The following SCFD2 variants were observed in gnomAD, a reference collection of about 807,000 sequenced individuals.
SCFD2 encodes sec1 family domain-containing protein 2.
Under a neutral mutation model 58.9 loss-of-function variants are expected in SCFD2, and 54 were observed. That is an observed-to-expected ratio of 0.92 (90% CI 0.74 to 1.15). SCFD2 has a LOEUF of 1.15. SCFD2 is among the 50% of genes most tolerant of loss of function. The pLI is 0.00. For missense variants in SCFD2, 805 were observed against 836.6 expected (o/e 0.96, Z 0.47); for synonymous variants, 321 against 335.9 (o/e 0.96, Z 0.49).
intron 8 of SCFD2, among the ~76,000 whole-genome samples, chr4:52,883,856 G>A (rs1718674265): frequency 6.6e-6 from 1 of 152,230 alleles, no homozygotes; most frequent in South Asian, 2.1e-4. Context: ...CATAACAGGT[G>A]ATAGTAACAG....
At chr4:53,284,118 CAAAA>C (rs561985080) in intron 3 of SCFD2, among the ~76,000 whole-genome samples, 3 of 82,224 alleles carry the variant, frequency 3.6e-5, no homozygotes, top group African/African-American at 8.5e-5. Flanking sequence ...GACTCCATCT[CAAAA>C]AAAAAAAAAA....
chr4:53,321,383 T>C (rs1361415035), intron 2 of SCFD2, among the ~76,000 whole-genome samples: 1 of 152,030 alleles, frequency 6.6e-6, no homozygotes, highest in Non-Finnish European at 1.5e-5. Context: ...GGTGGCTGAA[T>C]GTTGAATCAT....
chr4:52,967,540 G>A (rs748217840), intron 5 of SCFD2, among the ~76,000 whole-genome samples: 4 of 152,226 alleles, frequency 2.6e-5, no homozygotes, highest in Non-Finnish European at 4.4e-5. Flanking sequence ...ACAAATGGCA[G>A]TCTGAGAATT....
At chr4:53,280,269 A>T (rs879637541) in intron 3 of SCFD2, among the ~76,000 whole-genome samples, 1 of 152,142 alleles carries the variant, frequency 6.6e-6, no homozygotes, top group Admixed American at 6.6e-5. Flanking sequence ...TAATCCCAGC[A>T]CTTTGGGAGG....
At chr4:53,126,371 A>C (rs558191493) in intron 5 of SCFD2, among the ~76,000 whole-genome samples, 27 of 152,226 alleles carry the variant, frequency 1.8e-4, no homozygotes, top group Non-Finnish European at 1.5e-4. Flanking sequence ...CTGGAAGTGC[A>C]GTGGCGTGAT....
chr4:53,142,168 C>T (rs1295855161), intron 5 of SCFD2, among the ~76,000 whole-genome samples: 1 of 152,142 alleles, frequency 6.6e-6, no homozygotes, highest in Non-Finnish European at 1.5e-5. Flanking sequence ...AAAATGGTTC[C>T]ACCAAACATG....
At chr4:52,885,722 G>A (rs768199767) in intron 8 of SCFD2, 25 bp downstream of exon 8, 9 of 1,612,784 alleles carry the variant, frequency 5.6e-6, no homozygotes, top group African/African-American at 1.3e-5. Context: ...CTGAGCTCTT[G>A]TTCAAAGCAT....
intron 4 of SCFD2, among the ~76,000 whole-genome samples, chr4:53,247,420 T>C (rs1399639259): frequency 6.6e-6 from 1 of 152,174 alleles, no homozygotes; most frequent in African/African-American, 2.4e-5. Context: ...AATTGTTCTA[T>C]CATAAAAACA....
chr4:53,250,374 C>T (rs1032268152), intron 4 of SCFD2, among the ~76,000 whole-genome samples: 1 of 152,150 alleles, frequency 6.6e-6, no homozygotes, highest in African/African-American at 2.4e-5. Flanking sequence ...ACCCCACTGT[C>T]AACATTAGAC....
At chr4:53,106,432 A>G (rs571622495) in intron 5 of SCFD2, among the ~76,000 whole-genome samples, 1 of 152,352 alleles carries the variant, frequency 6.6e-6, no homozygotes, top group South Asian at 2.1e-4. Context: ...TCTGAGTTAA[A>G]GGAGCATGTT....
intron 5 of SCFD2, among the ~76,000 whole-genome samples, chr4:53,077,382 C>A (rs1724008343): frequency 6.6e-6 from 1 of 152,134 alleles, no homozygotes; most frequent in African/African-American, 2.4e-5. Context: ...AATGCTCAAT[C>A]ATCTTTACTG....
intron 4 of SCFD2, among the ~76,000 whole-genome samples, chr4:53,183,459 C>A (rs946894213): frequency 1.3e-5 from 2 of 151,888 alleles, no homozygotes; most frequent in Non-Finnish European, 2.9e-5. Context: ...ACAATGAGAA[C>A]ACATGGACAC....
At chr4:53,280,147 T>A (rs549619677) in intron 3 of SCFD2, among the ~76,000 whole-genome samples, 6 of 152,382 alleles carry the variant, frequency 3.9e-5, no homozygotes, top group Admixed American at 1.3e-4. Flanking sequence ...TAAAGATTAT[T>A]CTATCATACC....
chr4:53,184,556 A>G (rs1727684198), intron 4 of SCFD2, among the ~76,000 whole-genome samples: 1 of 152,136 alleles, frequency 6.6e-6, no homozygotes, highest in Non-Finnish European at 1.5e-5. Flanking sequence ...TAAAATTTCT[A>G]TCTTGCTTAT....
At chr4:53,082,546 C>T (rs1192093910) in intron 5 of SCFD2, among the ~76,000 whole-genome samples, 1 of 152,018 alleles carries the variant, frequency 6.6e-6, no homozygotes, top group Non-Finnish European at 1.5e-5. Context: ...CTAAGGGATG[C>T]CCAGAGAGTT....
chr4:53,091,027 T>C (rs1416466451), intron 5 of SCFD2, among the ~76,000 whole-genome samples: 1 of 152,176 alleles, frequency 6.6e-6, no homozygotes, highest in Non-Finnish European at 1.5e-5. Flanking sequence ...AAGATCATAC[T>C]TCTATATTAA....
At position 52,885,785 on chromosome 4, in the gene SCFD2, C is replaced by G; in HGVS notation, c.1924G>C (p.Val642Leu). 1 of 1,614,124 alleles carries G rather than the reference C, an allele frequency of 6.2e-7. No homozygotes were observed. The highest frequency in any genetic ancestry group is 8.5e-7 in the Non-Finnish European group (1 of 1,179,998). ...TTCAACGATGCCACAAGATCTTTGA[C>G]CATTTTCACTTCAGAGACTGTGACC... is the stretch of plus-strand genomic sequence containing the variant. ...GGVTVSEVKM[V>L]KDLVASLKPG... Residue 642 changes from valine to leucine, a missense_variant, in exon 8 of 9, where the codon GTC (valine) becomes CTC (leucine). Around this residue, in one of 3 missense-constraint regions of SCFD2, gnomAD observed 633 missense variants for 646.8 expected, o/e 0.98. Coordinates refer to ENST00000401642, the MANE Select transcript of SCFD2 (RefSeq NM_152540.4).
At chr4:52,948,657 T>TTA (rs1720505553) in intron 5 of SCFD2, 2 of 414,958 alleles carry the variant, frequency 4.8e-6, no homozygotes, top group Non-Finnish European at 9.8e-6. Flanking sequence ...CAACTCCTAC[T>TTA]TATATATATG....
chr4:53,132,529 T>C (rs547069767), intron 5 of SCFD2, among the ~76,000 whole-genome samples: 7 of 152,352 alleles, frequency 4.6e-5, no homozygotes, highest in African/African-American at 1.4e-4. Flanking sequence ...TATTCTGTAA[T>C]GGAAAAGTCT....
Sources: allele counts gnomAD v4.1 joint callset (sites outside exome capture counted in the v4.1 genomes callset), GRCh38; gene constraint gnomAD v4.1.1; regional missense constraint gnomAD v4.1.1; transcripts MANE v1.5; gene names NCBI Gene and HGNC (gene_info 2026-07-23, HGNC 2026-07-21).